The following APP variants were observed in gnomAD, a reference collection of about 807,000 sequenced individuals.
APP encodes amyloid beta precursor protein.
In APP, 31 loss-of-function variants were observed where a neutral mutation model predicts 101.4. That is an observed-to-expected ratio of 0.31 (90% CI 0.23 to 0.41). The LOEUF is 0.41. Among genes scored for constraint, APP ranks in the 10% least tolerant of loss-of-function variants. The probability of loss-of-function intolerance (pLI) is 1.00; values close to 1 mark genes in which losing one functional copy is unlikely to be tolerated. For missense variants in APP, 839 were observed against 1,003.7 expected, an observed-to-expected ratio of 0.84 and a Z score of 2.22; for synonymous variants, 366 against 364.4, an observed-to-expected ratio of 1.00 and a Z score of -0.05.
rs45475494 is a variant in APP, at chr21:26,022,280, T to C, written c.663-238A>G. On this transcript the variant is annotated intron_variant, in intron 5 of 17. Transcript: ENST00000346798. ...ATGCCATGAGTCTAACCACAGGACA[T>C]TCTGGAAAAGGGAAAATTACGGAGA... is the stretch of plus-strand genomic sequence containing the variant. 0.018 allele frequency among the ~76,000 whole-genome samples: 2,681 copies of C among 152,158 alleles called. 43 individuals are homozygous for C. The highest frequency in any genetic ancestry group is 0.034 in the Middle Eastern group (10 of 294).
chr21:25,985,221 T>G (rs750979732), intron 8 of APP, among the ~76,000 whole-genome samples: 1 of 152,212 alleles, frequency 6.6e-6, no homozygotes, highest in Non-Finnish European at 1.5e-5. Context: ...TATTACCAAC[T>G]TAATCCATTG....
chr21:25,995,569 C>A (rs2043020696), intron 8 of APP, among the ~76,000 whole-genome samples: 1 of 101,592 alleles, frequency 9.8e-6, no homozygotes, highest in East Asian at 2.9e-4. Flanking sequence ...AGGAAAATGC[C>A]CACAAAGTGT....
chr21:26,139,633 C>T (rs889115424), intron 1 of APP, among the ~76,000 whole-genome samples: 2 of 152,162 alleles, frequency 1.3e-5, no homozygotes, highest in Non-Finnish European at 1.5e-5. Context: ...CAGTGGCTCA[C>T]GCCTGTATCC....
chr21:26,035,415 A>T (rs1032066931), intron 5 of APP, among the ~76,000 whole-genome samples: 1 of 152,084 alleles, frequency 6.6e-6, no homozygotes, highest in Non-Finnish European at 1.5e-5. Context: ...TGTGACACTG[A>T]GCAGGGGAGA....
At chr21:26,116,049 T>G (rs1429785397) in intron 1 of APP, among the ~76,000 whole-genome samples, 1 of 152,176 alleles carries the variant, frequency 6.6e-6, no homozygotes, top group East Asian at 1.9e-4. Flanking sequence ...ATGAAGGTAA[T>G]TCTTGTAAAC....
chr21:25,943,556 C>T (rs1159438806), intron 13 of APP, among the ~76,000 whole-genome samples: 1 of 151,772 alleles, frequency 6.6e-6, no homozygotes, highest in African/African-American at 2.4e-5. Flanking sequence ...AGGTTCAATT[C>T]TCCAACCTCA....
chr21:26,033,408 A>G (rs538923486), intron 5 of APP, among the ~76,000 whole-genome samples: 27 of 152,324 alleles, frequency 1.8e-4, no homozygotes, highest in African/African-American at 6.0e-4. Context: ...CTCCTCAGCC[A>G]TGCAGAACTG....
intron 6 of APP, among the ~76,000 whole-genome samples, chr21:26,014,444 C>A (rs2043962891): frequency 6.6e-6 from 1 of 152,190 alleles, no homozygotes; most frequent in Admixed American, 6.5e-5. Flanking sequence ...ATTTGGTGCT[C>A]TATCACCCAG....
intron 2 of APP, among the ~76,000 whole-genome samples, chr21:26,108,912 A>G (rs756961562): frequency 6.8e-4 from 104 of 152,154 alleles, no homozygotes; most frequent in Non-Finnish European, 1.4e-3. Context: ...AAAGAAAAAA[A>G]TAAATAGATA....
intron 5 of APP, among the ~76,000 whole-genome samples, chr21:26,033,914 T>C (rs1241538748): frequency 1.3e-5 from 2 of 152,124 alleles, no homozygotes; most frequent in Non-Finnish European, 2.9e-5. Flanking sequence ...AATTAAGAAA[T>C]GGAGCTAATG....
chr21:26,021,791 G>C (rs370317333), intron 6 of APP, 49 bp downstream of exon 6: 1 of 1,602,490 alleles, frequency 6.2e-7, no homozygotes, highest in East Asian at 2.2e-5. Context: ...CTGGTATTAC[G>C]CTTTCTTTTC....
At chr21:26,081,924 A>C (rs2061606628) in intron 3 of APP, among the ~76,000 whole-genome samples, 1 of 152,218 alleles carries the variant, frequency 6.6e-6, no homozygotes, top group African/African-American at 2.4e-5. Flanking sequence ...TTGAATATAA[A>C]ATCCTTGTTT....
At chr21:25,987,229 A>T (rs900591107) in intron 8 of APP, among the ~76,000 whole-genome samples, 1 of 152,224 alleles carries the variant, frequency 6.6e-6, no homozygotes, top group African/African-American at 2.4e-5. Context: ...GAAAGAGCCC[A>T]TGGAGCTAGA....
chr21:26,160,527 G>A (rs2063468117), intron 1 of APP, among the ~76,000 whole-genome samples: 1 of 152,142 alleles, frequency 6.6e-6, no homozygotes, highest in Non-Finnish European at 1.5e-5. Flanking sequence ...GTATATAGTA[G>A]TATTGGCTTC....
At position 26,016,958 on chromosome 21, in the gene APP, T is replaced by G. The variant is rs1466963662; in HGVS notation, c.865+4882A>C. Among the ~76,000 whole-genome samples the G allele has an allele frequency of 2.5e-3, 269 of 107,516 alleles. 2 individuals carry two copies. Among genetic ancestry groups the G allele is most frequent in the African/African-American group, 7.5e-3 (174 of 23,254 alleles). The allele number at this position is 107,516 out of a possible 152,430, so 70.5% of individuals were successfully genotyped here. Reference sequence around the variant, plus strand: ...GGGGCGGGGGGCGGGGGGCGGGGGGTGCCGCCAAGGTGGGCAGATCATGAG... The same window carrying G: ...GGGGCGGGGGGCGGGGGGCGGGGGGGGCCGCCAAGGTGGGCAGATCATGAG... On this transcript the variant is annotated intron_variant, in intron 6 of 17. Coordinates refer to ENST00000346798, the MANE Select transcript of APP (RefSeq NM_000484.4).
chr21:25,966,159 G>A (rs542172442), intron 11 of APP, among the ~76,000 whole-genome samples: 3 of 152,216 alleles, frequency 2.0e-5, no homozygotes, highest in East Asian at 3.9e-4. Context: ...AGATTTTATC[G>A]AACTTGGTAA....
At chr21:26,063,933 T>C (rs1237930806) in intron 3 of APP, among the ~76,000 whole-genome samples, 1 of 152,204 alleles carries the variant, frequency 6.6e-6, no homozygotes, top group Non-Finnish European at 1.5e-5. Flanking sequence ...CAGGGCTGTA[T>C]CATGTTGATA....
chr21:25,900,494 A>T (rs1184706749), intron 15 of APP, among the ~76,000 whole-genome samples: 4 of 150,666 alleles, frequency 2.7e-5, no homozygotes, highest in Non-Finnish European at 5.9e-5. Flanking sequence ...CGGCAGGTGG[A>T]GGTTGCAGTG....
At chr21:25,939,680 T>G (rs1481708635) in intron 13 of APP, among the ~76,000 whole-genome samples, 1 of 152,244 alleles carries the variant, frequency 6.6e-6, no homozygotes, top group African/African-American at 2.4e-5. Context: ...GTTTTTCTCA[T>G]GATACTGACA....
Sources: allele counts gnomAD v4.1 joint callset (sites outside exome capture counted in the v4.1 genomes callset), GRCh38; gene constraint gnomAD v4.1.1; transcripts MANE v1.5; gene names NCBI Gene and HGNC (gene_info 2026-07-23, HGNC 2026-07-21).